Variants in PTGFRN observed in about 807,000 individuals in gnomAD.
PTGFRN encodes the protein prostaglandin F2 receptor negative regulator.
A neutral mutation model predicts 83.2 loss-of-function variants in PTGFRN; 35 were observed. That is an observed-to-expected ratio of 0.42 (90% CI 0.32 to 0.56). The LOEUF (loss-of-function observed/expected upper bound fraction) is 0.56, where lower values mean the gene tolerates loss of function less well. PTGFRN is among the 20% of genes least tolerant of loss of function. The pLI, the probability that PTGFRN is intolerant of heterozygous loss-of-function variation, is 0.11. For synonymous variants in PTGFRN, 519 were observed against 498.6 expected (o/e 1.04, Z -0.55); for missense variants, 1,051 against 1,179.5 (o/e 0.89, Z 1.60).
intron 7 of PTGFRN, among the ~76,000 whole-genome samples, chr1:116,974,828 C>T (rs1223907862): frequency 2.6e-5 from 4 of 152,186 alleles, no homozygotes; most frequent in Admixed American, 2.0e-4. Context: ...TTCTGCATTT[C>T]CAACTGAGGT....
At chr1:116,975,264 G>A (rs1651113228) in intron 7 of PTGFRN, among the ~76,000 whole-genome samples, 1 of 152,216 alleles carries the variant, frequency 6.6e-6, no homozygotes, top group South Asian at 2.1e-4. Context: ...AGCTCAAGGA[G>A]GCCTGCCTGC....
rs781654026 is a variant in PTGFRN at position 116,944,984 on chromosome 1, C to G, written c.724C>G (p.Gln242Glu). 2 of 1,613,892 alleles carry G rather than the reference C, an allele frequency of 1.2e-6. No individual in the cohort carries two copies. ...LSVSRALSADQGSYRCIVSEW... is the reference protein window; with the variant it reads ...LSVSRALSADEGSYRCIVSEW... ...AGTGTCCCGGGCTCTGTCTGCCGAC[C>G]AGGGCTCCTACAGGTGTATCGTCAG... The change falls in exon 3 of 9, where the codon CAG becomes GAG. Residue 242 changes from glutamine (Q) to glutamate (E), a missense_variant. Coordinates refer to ENST00000393203, the MANE Select transcript of PTGFRN (RefSeq NM_020440.4).
At chr1:116,925,524 G>A (rs1649637307) in intron 1 of PTGFRN, among the ~76,000 whole-genome samples, 1 of 152,162 alleles carries the variant, frequency 6.6e-6, no homozygotes, top group South Asian at 2.1e-4. Context: ...GGGTTGAGTT[G>A]TAGGGTCATT....
intron 5 of PTGFRN, among the ~76,000 whole-genome samples, chr1:116,963,673 T>C (rs1292819834): frequency 6.6e-6 from 1 of 152,118 alleles, no homozygotes; most frequent in Non-Finnish European, 1.5e-5. Context: ...AGTGGTGTGA[T>C]TGTAGCTCAC....
At chr1:116,982,483 C>A (rs958342211) in intron 7 of PTGFRN, among the ~76,000 whole-genome samples, 1 of 151,988 alleles carries the variant, frequency 6.6e-6, no homozygotes, top group African/African-American at 2.4e-5. Flanking sequence ...GGGCCAAGGT[C>A]CTCTGTGCTG....
intron 4 of PTGFRN, 45 bp downstream of exon 4, chr1:116,949,617 C>T (rs377750427): frequency 6.4e-7 from 1 of 1,562,776 alleles, no homozygotes; most frequent in Non-Finnish European, 8.7e-7. Flanking sequence ...AGCTTAACCC[C>T]TCCTCGGAGT....
chr1:116,940,814 A>T (rs1368611298), intron 1 of PTGFRN, among the ~76,000 whole-genome samples: 1 of 152,228 alleles, frequency 6.6e-6, no homozygotes, highest in African/African-American at 2.4e-5. Context: ...AAGGAGCTAT[A>T]TGTGTTTATT....
intron 7 of PTGFRN, among the ~76,000 whole-genome samples, chr1:116,976,560 G>A (rs879517474): frequency 1.8e-4 from 27 of 152,198 alleles, no homozygotes; most frequent in Admixed American, 7.8e-4. Flanking sequence ...GAGAGTCGGG[G>A]CCAATATTTA....
intron 7 of PTGFRN, among the ~76,000 whole-genome samples, chr1:116,981,461 T>C (rs2101090660): frequency 6.6e-6 from 1 of 152,306 alleles, no homozygotes; most frequent in East Asian, 1.9e-4. Context: ...TAAAAGCAGC[T>C]TTCCATTCTG....
rs765411854 is a variant in PTGFRN at position 116,944,820 on chromosome 1, T to G, written c.560T>G (p.Val187Gly). 3 of 1,574,350 alleles carry G rather than the reference T, an allele frequency of 1.9e-6. No homozygotes were observed. The highest frequency in any genetic ancestry group is 2.7e-5 in the African/African-American group (2 of 74,276). Residue 187 changes from valine to glycine, a missense_variant, in exon 3 of 9, where the codon GTG becomes GGG. This residue lies in a region of PTGFRN where 205 missense variants were observed against 174.5 expected (regional missense o/e 1.17). Transcript: ENST00000393203. ...ACGCACCTGGCGCTGCTGTGGGAGGTGCACCGCGGCCCGGCCAGGCGGAGC... is the reference window on the plus strand; with the variant it reads ...ACGCACCTGGCGCTGCTGTGGGAGGGGCACCGCGGCCCGGCCAGGCGGAGC... ...LHTHLALLWE[V>G]HRGPARRSVL...
intron 1 of PTGFRN, among the ~76,000 whole-genome samples, chr1:116,919,477 A>T (rs1649487419): frequency 6.6e-6 from 1 of 152,072 alleles, no homozygotes; most frequent in Admixed American, 6.5e-5. Context: ...AGCCCACTGC[A>T]GCCTCAACCT....
Position 116,945,023 on chromosome 1 carries a change from G to C in PTGFRN, c.763G>C (p.Glu255Gln). ...GTGTATCGTCAGCGAGTGGATCGCC[G>C]AGCAGGGCAACTGGCAGGAAATCCA... is the stretch of plus-strand genomic sequence containing the variant. ...YRCIVSEWIA[E>Q]QGNWQEIQEK... The change falls in exon 3 of 9, where the codon GAG becomes CAG. Residue 255 changes from glutamate (E) to glutamine (Q), a missense_variant. Physicochemically the swap from Glu to Gln is conservative, Grantham distance 29. Around this residue, in one of 3 missense-constraint regions of PTGFRN, gnomAD observed 719 missense variants for 836.6 expected, o/e 0.86. Coordinates refer to ENST00000393203, the MANE Select transcript of PTGFRN (RefSeq NM_020440.4). The C allele has an allele frequency of 5.6e-6, 9 of 1,613,860 alleles. No homozygotes were observed. The highest frequency in any genetic ancestry group is 7.6e-6 in the Non-Finnish European group (9 of 1,180,024).
At chr1:116,927,079 G>C (rs1200232818) in intron 1 of PTGFRN, among the ~76,000 whole-genome samples, 1 of 152,132 alleles carries the variant, frequency 6.6e-6, no homozygotes, top group Non-Finnish European at 1.5e-5. Flanking sequence ...ATAGCATTTG[G>C]GAAGAAAACA....
chr1:116,944,965 C>A lies in PTGFRN; in HGVS notation c.705C>A (p.Ser235=), dbSNP rs371595972. The change falls in exon 3 of 9, where the codon TCC becomes TCA. Residue 235 remains serine, a synonymous_variant. Transcript: ENST00000393203. ...VGSDAYRLSV[S]RALSADQGSY... is the part of the protein sequence containing the mutation. ...GCGACGCCTACCGCCTCTCAGTGTC[C>A]CGGGCTCTGTCTGCCGACCAGGGCT... The A allele has an allele frequency of 6.2e-7, 1 of 1,613,698 alleles. No homozygotes were observed. Among genetic ancestry groups the A allele is most frequent in the African/African-American group, 1.3e-5 (1 of 75,054 alleles).
chr1:116,983,507 A>AG (rs1036389673), intron 7 of PTGFRN, among the ~76,000 whole-genome samples: 1 of 145,478 alleles, frequency 6.9e-6, no homozygotes, highest in African/African-American at 2.5e-5. Flanking sequence ...ACAAAAAAAA[A>AG]AAAAAAAAAA....
intron 6 of PTGFRN, among the ~76,000 whole-genome samples, chr1:116,969,901 C>T (rs533084596): frequency 1.3e-5 from 2 of 152,174 alleles, no homozygotes; most frequent in Admixed American, 1.3e-4. Context: ...TTATTCATTG[C>T]AGTTTCATAG....
Position 116,944,699 on chromosome 1 carries a change from G to T in PTGFRN, c.439G>T (p.Val147Leu), listed in dbSNP as rs1650142662. The T allele has an allele frequency of 7.0e-7, 1 of 1,424,614 alleles. No homozygotes were observed. 88.2% of individuals were successfully genotyped at this position (1,424,614 alleles called of 1,614,324 possible). A position where few individuals can be genotyped will look rare whatever the true frequency, so the allele number is the denominator to read the frequency against. Residue 147 changes from valine (V) to leucine (L), a missense_variant, in exon 3 of 9, where the codon GTG (valine) becomes TTG (leucine). By Grantham distance (32) the Val-to-Leu change is conservative. This residue lies in a region of PTGFRN where 205 missense variants were observed against 174.5 expected (regional missense o/e 1.17). Coordinates refer to ENST00000393203, the MANE Select transcript of PTGFRN (RefSeq NM_020440.4). ...CGCAGTGCTGGCCGACTCCCTGCACGTGGGCCCCAGCGCGCGGCCCCCGCC... is the reference window on the plus strand; with the variant it reads ...CGCAGTGCTGGCCGACTCCCTGCACTTGGGCCCCAGCGCGCGGCCCCCGCC... ...QVKVLADSLHVGPSARPPPSL... is the reference protein window; with the variant it reads ...QVKVLADSLHLGPSARPPPSL...
chr1:116,941,001 A>C lies in PTGFRN; in HGVS notation c.50-714A>C, dbSNP rs745505442. Among the ~76,000 whole-genome samples, 36 of 152,198 alleles carry C rather than the reference A, an allele frequency of 2.4e-4. No homozygotes were observed. The highest frequency in any genetic ancestry group is 4.0e-4 in the Non-Finnish European group (27 of 68,044). On this transcript the variant is annotated intron_variant, in intron 1 of 8. Coordinates refer to ENST00000393203, the MANE Select transcript of PTGFRN (RefSeq NM_020440.4). This position sits in a 1 kb window ranked among gnomAD's most constrained non-coding sequence, Gnocchi z 5.0. ...AACCAGTGAAGTCTTGCCTGTGTCC[A>C]CTGGGCTTATACCCGGCAACCAGCT...
intron 3 of PTGFRN, among the ~76,000 whole-genome samples, chr1:116,948,232 C>T (rs557270310): frequency 6.6e-6 from 1 of 152,302 alleles, no homozygotes; most frequent in Admixed American, 6.5e-5. Flanking sequence ...ACTCAGATTA[C>T]AGATGCTCTT....
Sources: gnomAD v4.1 joint callset for allele counts (sites outside exome capture counted in the v4.1 genomes callset) on GRCh38, gnomAD v4.1.1 for gene constraint, gnomAD v4.1.1 regional missense constraint, Gnocchi (gnomAD v3.1) non-coding constraint, MANE v1.5 for transcripts, NCBI Gene and HGNC (gene_info 2026-07-23, HGNC 2026-07-21) for gene names.